SLC15A5: variants seen among roughly 807,000 people sequenced by gnomAD.
SLC15A5 encodes Peptide/histidine transporter ENSP00000340402.
Under a neutral mutation model 56.1 loss-of-function variants are expected in SLC15A5, and 58 were observed. That is an observed-to-expected ratio of 1.03 (90% CI 0.84 to 1.29). SLC15A5 has a LOEUF of 1.29. SLC15A5 is among the 50% of genes most tolerant of loss of function. SLC15A5 has a pLI of 0.00. For missense variants in SLC15A5, 681 were observed against 672.1 expected (o/e 1.01, Z -0.15); for synonymous variants, 264 against 250.5 (o/e 1.05, Z -0.51).
chr12:16,229,635 AACAC>A (rs1163652551), intron 5 of SLC15A5, among the ~76,000 whole-genome samples: 4 of 99,114 alleles, frequency 4.0e-5, no homozygotes, highest in African/African-American at 1.6e-4. Context: ...CAAAGTAAGC[AACAC>A]ACACACATAC....
At chr12:16,190,050 C>T (rs1863826114) in intron 8 of SLC15A5, among the ~76,000 whole-genome samples, 1 of 152,140 alleles carries the variant, frequency 6.6e-6, no homozygotes, top group African/African-American at 2.4e-5. Flanking sequence ...TTTTTAACAA[C>T]CTGCTACGCT....
chr12:16,232,115 G>A (rs1031541658), intron 5 of SLC15A5, among the ~76,000 whole-genome samples: 6 of 152,242 alleles, frequency 3.9e-5, no homozygotes, highest in Middle Eastern at 6.8e-3. Context: ...GAAAAACAAG[G>A]AGACAAGCAA....
At chr12:16,194,761 G>A (rs973752864) in intron 7 of SLC15A5, among the ~76,000 whole-genome samples, 14 of 152,012 alleles carry the variant, frequency 9.2e-5, no homozygotes, top group Non-Finnish European at 2.1e-4. Flanking sequence ...AGCCATGTGT[G>A]TATCTTATTT....
intron 7 of SLC15A5, among the ~76,000 whole-genome samples, chr12:16,210,710 C>G (rs3864925): frequency 0.54 from 82,143 of 151,918 alleles, 22,530 homozygotes; most frequent in South Asian, 0.73. Context: ...TCATTGAGAA[C>G]TGAGTTGAAT....
At chr12:16,217,483 T>C (rs570921229) in intron 6 of SLC15A5, among the ~76,000 whole-genome samples, 2 of 152,302 alleles carry the variant, frequency 1.3e-5, no homozygotes, top group African/African-American at 4.8e-5. Flanking sequence ...CAAGATAGTA[T>C]TAAAATACCA....
intron 3 of SLC15A5, among the ~76,000 whole-genome samples, chr12:16,249,850 T>C (rs1864502349): frequency 6.6e-6 from 1 of 152,084 alleles, no homozygotes. Flanking sequence ...TATTTGATAA[T>C]TGGACACTTG....
chr12:16,230,303 T>C (rs1864283410), intron 5 of SLC15A5, among the ~76,000 whole-genome samples: 1 of 152,084 alleles, frequency 6.6e-6, no homozygotes, highest in South Asian at 2.1e-4. Flanking sequence ...ATTGAGAGGA[T>C]AGAGAGGTAA....
intron 8 of SLC15A5, among the ~76,000 whole-genome samples, chr12:16,192,793 C>T (rs1863849376): frequency 1.3e-5 from 2 of 152,176 alleles, no homozygotes; most frequent in South Asian, 2.1e-4. Flanking sequence ...GAGCATATGG[C>T]TAGGCATAAG....
At chr12:16,256,118 T>G (rs1267953101) in intron 3 of SLC15A5, among the ~76,000 whole-genome samples, 2 of 152,198 alleles carry the variant, frequency 1.3e-5, no homozygotes, top group Non-Finnish European at 2.9e-5. Flanking sequence ...AATAGTTACA[T>G]TAGCAGAATG....
At chr12:16,216,533 C>T (rs1864130937) in intron 7 of SLC15A5, among the ~76,000 whole-genome samples, 1 of 151,918 alleles carries the variant, frequency 6.6e-6, no homozygotes, top group Non-Finnish European at 1.5e-5. Flanking sequence ...ATTCAGGTAC[C>T]CTATCCCCTA....
intron 1 of SLC15A5, among the ~76,000 whole-genome samples, chr12:16,274,420 T>C (rs1591664419): frequency 1.3e-5 from 2 of 152,278 alleles, no homozygotes; most frequent in South Asian, 4.1e-4. Context: ...TAATGTTATT[T>C]GGTATAAATT....
chr12:16,259,900 G>GT (rs1555173553), intron 2 of SLC15A5, among the ~76,000 whole-genome samples: 2 of 150,964 alleles, frequency 1.3e-5, no homozygotes, highest in South Asian at 2.1e-4. Flanking sequence ...CACCACCCGG[G>GT]CGGGGGGTAA....
At chr12:16,246,993 A>G (rs1483610518) in intron 3 of SLC15A5, among the ~76,000 whole-genome samples, 1 of 152,204 alleles carries the variant, frequency 6.6e-6, no homozygotes, top group Non-Finnish European at 1.5e-5. Flanking sequence ...ACATAAAATA[A>G]AGACATACAA....
chr12:16,261,277 C>G (rs1864640657), intron 2 of SLC15A5, among the ~76,000 whole-genome samples: 1 of 152,136 alleles, frequency 6.6e-6, no homozygotes, highest in Non-Finnish European at 1.5e-5. Flanking sequence ...AACCACTGAT[C>G]TTTTTTCTGC....
chr12:16,230,887 C>A (rs528458866), intron 5 of SLC15A5, among the ~76,000 whole-genome samples: 1 of 150,556 alleles, frequency 6.6e-6, no homozygotes, highest in African/African-American at 2.4e-5. Flanking sequence ...CATGCCACTG[C>A]ACTCCAGCCT....
At chr12:16,197,211 T>A (rs1007253030) in intron 7 of SLC15A5, among the ~76,000 whole-genome samples, 16 of 152,152 alleles carry the variant, frequency 1.1e-4, no homozygotes, top group African/African-American at 3.9e-4. Context: ...CTAATGCTCA[T>A]CTTCATTCTA....
chr12:16,199,027 G>A (rs1863923280), intron 7 of SLC15A5, among the ~76,000 whole-genome samples: 1 of 151,798 alleles, frequency 6.6e-6, no homozygotes, highest in Admixed American at 6.6e-5. Context: ...TATTAGCCAG[G>A]CCAGCTGCAC....
At position 16,271,481 on chromosome 12, in the gene SLC15A5, T is replaced by C. The variant is rs890672135; in HGVS notation, c.584+1080A>G. 2.0e-5 allele frequency among the ~76,000 whole-genome samples: 3 copies of C among 152,170 alleles called. No homozygotes were observed. The highest frequency in any genetic ancestry group is 6.6e-5 in the Admixed American group (1 of 15,266). The stretch of plus-strand genomic sequence containing the variant: ...GGAAGTAAAGAGTCCCTTCTACCTT[T>C]GGTAAGACTGCATTGTTCTCTGACA... On this transcript the variant is annotated intron_variant, in intron 2 of 8. Coordinates refer to ENST00000344941, the MANE Select transcript of SLC15A5 (RefSeq NM_001170798.1). The surrounding 1 kb of genome is among the most constrained non-coding windows in gnomAD (Gnocchi z 8.0).
intron 7 of SLC15A5, among the ~76,000 whole-genome samples, chr12:16,199,699 A>G (rs1440767480): frequency 6.6e-6 from 1 of 152,190 alleles, no homozygotes; most frequent in East Asian, 1.9e-4. Context: ...TCAAATGATC[A>G]CACGTATCTT....
Sources: gnomAD v4.1 joint callset for allele counts (sites outside exome capture counted in the v4.1 genomes callset) on GRCh38, gnomAD v4.1.1 for gene constraint, Gnocchi (gnomAD v3.1) non-coding constraint, MANE v1.5 for transcripts, NCBI Gene and HGNC (gene_info 2026-07-23, HGNC 2026-07-21) for gene names.